The following PIGL variants were observed in gnomAD, a reference collection of about 807,000 sequenced individuals.
PIGL encodes phosphatidylinositol glycan anchor biosynthesis class L, also known as N-acetylglucosaminyl-phosphatidylinositol de-N-acetylase.
In PIGL, 22 loss-of-function variants were observed where a neutral mutation model predicts 31.1. That is an observed-to-expected ratio of 0.71 (90% CI 0.51 to 1.01). The LOEUF is 1.01. Ranked by LOEUF, PIGL falls within the 50% of genes least tolerant of loss-of-function variation. The probability of loss-of-function intolerance (pLI) is 0.00; values close to 1 mark genes in which losing one functional copy is unlikely to be tolerated. For synonymous variants in PIGL, 131 were observed against 117.4 expected (o/e 1.12, Z -0.75); for missense variants, 302 against 315.9 (o/e 0.96, Z 0.33).
At chr17:16,275,432 G>C (rs7225920) in intron 2 of PIGL, among the ~76,000 whole-genome samples, 82,636 of 151,896 alleles carry the variant, frequency 0.54, 22,972 homozygotes, top group African/African-American at 0.62. Flanking sequence ...TCTTTATGAC[G>C]TGTATTTTGT....
chr17:16,292,032 C>CTTT (rs35568368), intron 2 of PIGL, among the ~76,000 whole-genome samples: 20 of 122,244 alleles, frequency 1.6e-4, no homozygotes, highest in Non-Finnish European at 3.0e-4. Context: ...TAATGGAGCT[C>CTTT]TTTTTTTTTT....
At chr17:16,316,768 A>G in intron 5 of PIGL, 56 bp downstream of exon 5, 1 of 1,600,324 alleles carries the variant, frequency 6.2e-7, no homozygotes, top group Non-Finnish European at 8.6e-7. Flanking sequence ...TGAGAAACTT[A>G]TGAGGGGGAA....
At chr17:16,227,779 C>T (rs2092659212) in intron 1 of PIGL, among the ~76,000 whole-genome samples, 1 of 151,476 alleles carries the variant, frequency 6.6e-6, no homozygotes, top group African/African-American at 2.4e-5. Flanking sequence ...TGGGTTTCTC[C>T]ATGTTGGTCA....
intron 6 of PIGL, among the ~76,000 whole-genome samples, chr17:16,323,697 C>T (rs1230964737): frequency 6.9e-6 from 1 of 144,964 alleles, no homozygotes; most frequent in African/African-American, 2.6e-5. Flanking sequence ...ACTGAAACCT[C>T]TGCCTCCTGG....
intron 5 of PIGL, chr17:16,317,333 C>A: frequency 1.0e-6 from 1 of 973,454 alleles, no homozygotes; most frequent in Non-Finnish European, 1.2e-6. Flanking sequence ...TCCTGTGAGA[C>A]AGGCAGGTCT....
At chr17:16,233,685 G>A (rs1421253607) in intron 1 of PIGL, among the ~76,000 whole-genome samples, 1 of 152,152 alleles carries the variant, frequency 6.6e-6, no homozygotes, top group Non-Finnish European at 1.5e-5. Context: ...ACCCTTGGCT[G>A]TGTACCATGC....
At chr17:16,264,917 G>A (rs186616546) in intron 2 of PIGL, among the ~76,000 whole-genome samples, 3 of 152,154 alleles carry the variant, frequency 2.0e-5, no homozygotes, top group South Asian at 2.1e-4. Context: ...GTGAGCCACC[G>A]CGCCTGGCTA....
Position 16,228,480 on chromosome 17 carries a change from GTTTAC to G in PIGL, c.236-5488_236-5484del, listed in dbSNP as rs573706045. ...GCTCACTGCAAGCTCCGCCTCCCGGGTTTACTTACACCATTCTCCTGCCTCAGCCT... is the reference window on the plus strand; with the variant it reads ...GCTCACTGCAAGCTCCGCCTCCCGGGTTACACCATTCTCCTGCCTCAGCCT... On this transcript the variant is annotated intron_variant, in intron 1 of 6. Coordinates refer to ENST00000225609, the MANE Select transcript of PIGL (RefSeq NM_004278.4). Among the ~76,000 whole-genome samples the G allele has an allele frequency of 2.8e-3, 429 of 152,174 alleles. 3 individuals are homozygous for G. Among genetic ancestry groups the G allele is most frequent in the African/African-American group, 9.5e-3 (396 of 41,514 alleles).
intron 3 of PIGL, among the ~76,000 whole-genome samples, chr17:16,312,169 G>A (rs1244872063): frequency 1.3e-5 from 2 of 150,896 alleles, no homozygotes; most frequent in Admixed American, 6.6e-5. Flanking sequence ...CGGACGGGGC[G>A]GCTGCTGGGC....
At chr17:16,251,538 A>G (rs147491957) in intron 2 of PIGL, among the ~76,000 whole-genome samples, 5 of 151,926 alleles carry the variant, frequency 3.3e-5, no homozygotes, top group African/African-American at 1.2e-4. Flanking sequence ...TAGCCAGAGG[A>G]GCTCACCCAA....
intron 2 of PIGL, among the ~76,000 whole-genome samples, chr17:16,258,975 CA>C (rs1259472366): frequency 6.6e-6 from 1 of 152,188 alleles, no homozygotes; most frequent in Non-Finnish European, 1.5e-5. Flanking sequence ...GTCAGTCTTT[CA>C]GATTATTTCC....
chr17:16,220,777 C>G (rs1029526368), intron 1 of PIGL, among the ~76,000 whole-genome samples: 2 of 151,648 alleles, frequency 1.3e-5, no homozygotes, highest in Non-Finnish European at 1.5e-5. Context: ...CGTGAGCCAC[C>G]GCGCCCAGCC....
Position 16,266,279 on chromosome 17 carries a change from TG to T in PIGL, c.335+32214del, listed in dbSNP as rs1216105999. On this transcript the variant is annotated intron_variant, in intron 2 of 6. Coordinates refer to ENST00000225609, the MANE Select transcript of PIGL (RefSeq NM_004278.4). ...AAATACAAAAATTAGCCCTGCATGA[TG>T]GGGGAGGCTAAGGCGGAAGAATCGC... Among the ~76,000 whole-genome samples the T allele has an allele frequency of 2.1e-5, 3 of 141,992 alleles. No homozygotes were observed. In the East Asian group the frequency reaches 6.4e-4, roughly 30 times the overall value. The allele number at this position is 141,992 out of a possible 152,430, so 93.2% of individuals were successfully genotyped here.
intron 2 of PIGL, among the ~76,000 whole-genome samples, chr17:16,286,792 G>T (rs963205418): frequency 6.6e-6 from 1 of 152,092 alleles, no homozygotes; most frequent in African/African-American, 2.4e-5. Flanking sequence ...GACGCGCAAT[G>T]CCATCATGTT....
intron 3 of PIGL, chr17:16,312,928 A>AGGGGGGG (rs869065594): frequency 2.0e-4 from 5 of 25,342 alleles, no homozygotes; most frequent in African/African-American, 6.7e-4. Context: ...GGGAGGGGGA[A>AGGGGGGG]GGGGGGGGGA....
intron 3 of PIGL, among the ~76,000 whole-genome samples, chr17:16,300,445 C>T (rs2092999820): frequency 6.6e-6 from 1 of 152,170 alleles, no homozygotes; most frequent in Non-Finnish European, 1.5e-5. Flanking sequence ...CATCGGGAGG[C>T]CGAGTTGGAC....
At chr17:16,221,136 A>C (rs2092626972) in intron 1 of PIGL, among the ~76,000 whole-genome samples, 1 of 152,200 alleles carries the variant, frequency 6.6e-6, no homozygotes, top group Non-Finnish European at 1.5e-5. Flanking sequence ...TTGAGTGCCA[A>C]GTGCATGCTC....
intron 2 of PIGL, among the ~76,000 whole-genome samples, chr17:16,294,880 C>T (rs2092974952): frequency 6.6e-6 from 1 of 152,158 alleles, no homozygotes; most frequent in Non-Finnish European, 1.5e-5. Context: ...CACTGCTCCC[C>T]TTCCATGGCT....
chr17:16,298,735 G>C (rs2092992455), intron 2 of PIGL, among the ~76,000 whole-genome samples: 1 of 152,100 alleles, frequency 6.6e-6, no homozygotes, highest in African/African-American at 2.4e-5. Flanking sequence ...ATCGGTAAAG[G>C]CTCTGTCAAA....
Sources: gnomAD v4.1 joint callset for allele counts (sites outside exome capture counted in the v4.1 genomes callset) on GRCh38, gnomAD v4.1.1 for gene constraint, MANE v1.5 for transcripts, NCBI Gene and HGNC (gene_info 2026-07-23, HGNC 2026-07-21) for gene names.